Variants in GPSM2 observed in about 807,000 individuals in gnomAD.
GPSM2 encodes the protein G protein signaling modulator 2.
GPSM2 carries 58 observed loss-of-function variants against 78.4 expected under a neutral mutation model. The ratio of observed to expected loss-of-function variants is 0.74; its 90% confidence interval spans 0.60 to 0.92. The LOEUF (loss-of-function observed/expected upper bound fraction) is 0.92, where lower values mean the gene tolerates loss of function less well. Ranked by LOEUF, GPSM2 falls within the 40% of genes least tolerant of loss-of-function variation. The pLI, the probability that GPSM2 is intolerant of heterozygous loss-of-function variation, is 0.00. For missense variants in GPSM2, 700 were observed against 815.5 expected (o/e 0.86, Z 1.73); for synonymous variants, 224 against 280.2 (o/e 0.80, Z 2.00).
rs1553210488 is a variant in GPSM2, at chr1:108,891,825, T to TTAAGTTTGATAAAGTTTGA, written c.57-5025_57-5024insTTTGATAAGTTTGATAAAG. Among the ~76,000 whole-genome samples, 11 of 152,212 alleles carry TTAAGTTTGATAAAGTTTGA rather than the reference T, an allele frequency of 7.2e-5. No individual in the cohort carries two copies. In the East Asian group the frequency reaches 1.7e-3, roughly 24 times the overall value. ...CAGCCTCAGAGGGTTATTTTGAGAA[T>TTAAGTTTGATAAAGTTTGA]TAAGTTTGATAAAGGTTAAAATCAC... On this transcript the variant is annotated intron_variant, in intron 2 of 14. Transcript: ENST00000264126.
intron 10 of GPSM2, among the ~76,000 whole-genome samples, chr1:108,909,281 A>G (rs992603344): frequency 5.3e-5 from 8 of 152,336 alleles, no homozygotes; most frequent in African/African-American, 1.7e-4. Flanking sequence ...ATGGAAATAT[A>G]TTGACCTAAC....
intron 14 of GPSM2, chr1:108,929,379 T>C (rs755387532): frequency 2.9e-5 from 10 of 339,372 alleles, no homozygotes; most frequent in African/African-American, 6.4e-5. Flanking sequence ...TTAGATACAG[T>C]TGACCTTGTC....
At chr1:108,904,317 A>T in intron 10 of GPSM2, 63 bp downstream of exon 10, 1 of 1,088,748 alleles carries the variant, frequency 9.2e-7, no homozygotes, top group Non-Finnish European at 1.4e-6. Context: ...AAAGTTATTT[A>T]TCACAAATTT....
rs2101411478 is a variant in GPSM2, at chr1:108,898,887, T to G, written c.690T>G (p.Leu230=). The change falls in exon 7 of 15, where the codon CTT becomes CTG. Residue 230 remains leucine (L), a synonymous_variant. Transcript: ENST00000264126. ...DAVIAHEQRL[L]IAKEFGDKAA... ...AAAATTGTTTGTTTCAGCGTCTCCT[T>G]ATTGCAAAAGAATTTGGAGATAAAG... 5 of 1,609,648 alleles carry G rather than the reference T, an allele frequency of 3.1e-6. No homozygotes were observed. Among genetic ancestry groups the G allele is most frequent in the Non-Finnish European group, 3.4e-6 (4 of 1,175,866 alleles).
At chr1:108,929,478 C>T (rs1430010735) in intron 14 of GPSM2, 1 of 571,546 alleles carries the variant, frequency 1.7e-6, no homozygotes, top group African/African-American at 1.9e-5. Context: ...CCTATATAAG[C>T]CATTTTAAAG....
chr1:108,897,702 T>G (rs1209527579), intron 4 of GPSM2, 75 bp downstream of exon 4: 2 of 1,266,138 alleles, frequency 1.6e-6, no homozygotes, highest in African/African-American at 3.1e-5. Context: ...TATTTAATTA[T>G]TCTATAGTTT....
Position 108,931,351 on chromosome 1 carries a change from A to G in GPSM2, c.*1411A>G. On this transcript the variant is annotated 3_prime_UTR_variant, in exon 15 of 15. Coordinates refer to ENST00000264126, the MANE Select transcript of GPSM2 (RefSeq NM_013296.5). ...TTTACAAGGGGATGATAACAAAGTAACTAACTAACTGTAGCAAAAGACAAG... is the reference window on the plus strand; with the variant it reads ...TTTACAAGGGGATGATAACAAAGTAGCTAACTAACTGTAGCAAAAGACAAG... 6.5e-7 allele frequency: 1 copy of G among 1,541,898 alleles called. No homozygotes were observed. The highest frequency in any genetic ancestry group is 8.7e-7 in the Non-Finnish European group (1 of 1,144,550).
At chr1:108,919,681 G>A (rs1225051820) in intron 12 of GPSM2, among the ~76,000 whole-genome samples, 1 of 151,790 alleles carries the variant, frequency 6.6e-6, no homozygotes, top group Non-Finnish European at 1.5e-5. Flanking sequence ...CTCCAGCCTG[G>A]GCAACAGAGC....
chr1:108,902,008 A>C, intron 8 of GPSM2, 63 bp downstream of exon 8: 4 of 1,184,906 alleles, frequency 3.4e-6, no homozygotes, highest in Non-Finnish European at 5.0e-6. Context: ...GAATCCCTAG[A>C]ATTTTTCCTT....
At chr1:108,907,443 C>G (rs338492) in intron 10 of GPSM2, among the ~76,000 whole-genome samples, 54,604 of 151,898 alleles carry the variant, frequency 0.36, 11,519 homozygotes, top group African/African-American at 0.59. Flanking sequence ...AGGTCATAAG[C>G]GTTTCACAAC....
At position 108,933,629 on chromosome 1, in the gene GPSM2, G is replaced by C. The variant is rs191361403; in HGVS notation, c.*3689G>C. ...TGAACATAACTTGTAGTGTGAATAT[G>C]GTTAAAACAAAGGACACCTGATGTC... is the stretch of plus-strand genomic sequence containing the variant. On this transcript the variant is annotated 3_prime_UTR_variant, in exon 15 of 15. Transcript: ENST00000264126. 1 of 152,356 alleles carries C rather than the reference G, an allele frequency of 6.6e-6. No homozygotes were observed. Among genetic ancestry groups the C allele is most frequent in the East Asian group, 1.9e-4 (1 of 5,194 alleles). 9.4% of individuals were successfully genotyped at this position (152,356 alleles called of 1,614,324 possible). A position where few individuals can be genotyped will look rare whatever the true frequency, so the allele number is the denominator to read the frequency against.
At position 108,901,748 on chromosome 1, in the gene GPSM2, A is replaced by T. The variant is rs2270536; in HGVS notation, c.798-42A>T. 0.089 allele frequency: 133,827 copies of T among 1,498,454 alleles called. 6,378 individuals carry two copies. Among genetic ancestry groups the T allele is most frequent in the African/African-American group, 0.12 (8,562 of 72,752 alleles). The allele number at this position is 1,498,454 out of a possible 1,614,324, so 92.8% of individuals were successfully genotyped here. A position where few individuals can be genotyped will look rare whatever the true frequency, so the allele number is the denominator to read the frequency against. On this transcript the variant is annotated intron_variant, in intron 7 of 14. Coordinates refer to ENST00000264126, the MANE Select transcript of GPSM2 (RefSeq NM_013296.5). ...TTGTTTTGTGATTCTTAAAGCCCAAACTGAGAATGATCATTATATAAGAAT... is the reference window on the plus strand; with the variant it reads ...TTGTTTTGTGATTCTTAAAGCCCAATCTGAGAATGATCATTATATAAGAAT...
intron 1 of GPSM2, among the ~76,000 whole-genome samples, chr1:108,878,284 G>T (rs866542884): frequency 6.6e-6 from 1 of 152,112 alleles, no homozygotes; most frequent in African/African-American, 2.4e-5. Flanking sequence ...CAGGGATTAG[G>T]GGTGGTCTCA....
chr1:108,903,197 T>C lies in GPSM2; in HGVS notation c.1025T>C (p.Met342Thr). 2 of 1,608,362 alleles carry C rather than the reference T, an allele frequency of 1.2e-6. No homozygotes were observed. The highest frequency in any genetic ancestry group is 1.7e-6 in the Non-Finnish European group (2 of 1,174,988). The part of the protein sequence containing the change: ...YTALGNHDQA[M>T]HFAEKHLEIS... ...GCACTAGGAAATCATGATCAAGCAATGCATTTTGCTGAAAAGCACTTGGAA... is the reference window on the plus strand; with the variant it reads ...GCACTAGGAAATCATGATCAAGCAACGCATTTTGCTGAAAAGCACTTGGAA... The change falls in exon 9 of 15, where the codon ATG (methionine) becomes ACG (threonine). Residue 342 changes from methionine (M) to threonine (T), a missense_variant. Coordinates refer to ENST00000264126, the MANE Select transcript of GPSM2 (RefSeq NM_013296.5).
chr1:108,908,224 AGCCAGGCGTGGTGGCAGGC>A (rs887078344), intron 10 of GPSM2, among the ~76,000 whole-genome samples: 2 of 151,596 alleles, frequency 1.3e-5, no homozygotes, highest in African/African-American at 4.9e-5. Context: ...ACAAAAAATT[AGCCAGGCGTGGTGGCAGGC>A]GCCTGTAGTC....
At position 108,898,533 on chromosome 1, in the gene GPSM2, C is replaced by G. The variant is rs1029579831; in HGVS notation, c.558-109C>G. 27 of 950,334 alleles carry G rather than the reference C, an allele frequency of 2.8e-5. 1 individual carries two copies. The African/African-American group carries it at 3.4e-4, about 12-fold the overall frequency. The allele number at this position is 950,334 out of a possible 1,614,324, so 58.9% of individuals were successfully genotyped here. A position where few individuals can be genotyped will look rare whatever the true frequency, so the allele number is the denominator to read the frequency against. On this transcript the variant is annotated intron_variant, in intron 5 of 14. Coordinates refer to ENST00000264126, the MANE Select transcript of GPSM2 (RefSeq NM_013296.5). ...ATCCTTAAAATGTTGCACATTATGGCTGTAAGCTTCCCTACATTTTTTTCT... is the reference window on the plus strand; with the variant it reads ...ATCCTTAAAATGTTGCACATTATGGGTGTAAGCTTCCCTACATTTTTTTCT...
chr1:108,918,789 G>A lies in GPSM2; in HGVS notation c.1440G>A (p.Arg480=). The change falls in exon 12 of 15, where the codon AGG becomes AGA. Residue 480 remains arginine (R), a splice_region_variant and synonymous_variant. Transcript: ENST00000264126. ...SIDHRIPNSQ[R]KISADTIGDE... is the part of the protein sequence containing the mutation. ...ACCACCGAATTCCAAATTCTCAGAG[G>A]GTACGTTTAAACTAAGTTTTTGAGT... The A allele has an allele frequency of 3.1e-6, 5 of 1,608,606 alleles. No homozygotes were observed. The highest frequency in any genetic ancestry group is 1.1e-5 in the South Asian group (1 of 90,954).
chr1:108,898,533 C>A, intron 5 of GPSM2, 109 bp from the exon 6 acceptor site: 1 of 950,448 alleles, frequency 1.1e-6, no homozygotes, highest in South Asian at 1.4e-5. Flanking sequence ...CACATTATGG[C>A]TGTAAGCTTC....
intron 10 of GPSM2, among the ~76,000 whole-genome samples, chr1:108,908,417 C>T (rs1350673147): frequency 4.7e-4 from 71 of 151,628 alleles, no homozygotes; most frequent in Non-Finnish European, 2.4e-4. Flanking sequence ...GGCGCGGTGG[C>T]TCACACCTGT....
Sources: allele counts gnomAD v4.1 joint callset (sites outside exome capture counted in the v4.1 genomes callset), GRCh38; gene constraint gnomAD v4.1.1; transcripts MANE v1.5; gene names NCBI Gene and HGNC (gene_info 2026-07-23, HGNC 2026-07-21).